WNK1: variants seen among roughly 807,000 people sequenced by gnomAD.
WNK1 encodes the protein WNK lysine deficient protein kinase 1.
A neutral mutation model predicts 222.8 loss-of-function variants in WNK1; 38 were observed. The observed-to-expected ratio is 0.17, with a 90% confidence interval of 0.13 to 0.22. WNK1 has a LOEUF of 0.22. Among genes scored for constraint, WNK1 ranks in the 10% least tolerant of loss-of-function variants. The pLI is 1.00. For synonymous variants in WNK1, 1,090 were observed against 1,092.9 expected (o/e 1.00, Z 0.05); for missense variants, 2,348 against 2,918.4 (o/e 0.80, Z 4.50).
intron 2 of WNK1, among the ~76,000 whole-genome samples, chr12:818,678 A>G (rs944214517): frequency 1.3e-5 from 2 of 152,096 alleles, no homozygotes; most frequent in African/African-American, 4.8e-5. Flanking sequence ...TACCATCTCT[A>G]TGGATTTATC....
rs149388376 is a variant in WNK1 at position 861,247 on chromosome 12, A to G, written c.1855A>G (p.Thr619Ala). Residue 619 changes from threonine to alanine, a missense_variant, in exon 7 of 28, where the codon ACT becomes GCT. Transcript: ENST00000315939. ...CACCGGCATACCTACTGCTTCTACCACTTCAGCTTCAGTTTCTACACAAGT... is the reference window on the plus strand; with the variant it reads ...CACCGGCATACCTACTGCTTCTACCGCTTCAGCTTCAGTTTCTACACAAGT... Reference protein sequence around the residue: ...ASTGIPTASTTSASVSTQVEP... With the variant: ...ASTGIPTASTASASVSTQVEP... 1.3e-3 allele frequency: 2,179 copies of G among 1,614,144 alleles called. 2 individuals carry two copies. The highest frequency in any genetic ancestry group is 1.7e-3 in the Non-Finnish European group (2,016 of 1,180,010).
At chr12:820,594 C>T (rs1390603997) in intron 2 of WNK1, among the ~76,000 whole-genome samples, 3 of 151,650 alleles carry the variant, frequency 2.0e-5, no homozygotes, top group Admixed American at 6.6e-5. Flanking sequence ...CCCACCTCAG[C>T]CTCCTGAGTA....
chr12:885,769 A>T lies in WNK1; in HGVS notation c.4965A>T (p.Leu1655=). The T allele has an allele frequency of 6.2e-7, 1 of 1,614,208 alleles. No individual in the cohort carries two copies. The highest frequency in any genetic ancestry group is 8.5e-7 in the Non-Finnish European group (1 of 1,180,026). Residue 1655 remains leucine, a synonymous_variant, in exon 19 of 28, where the codon CTA becomes CTT. Transcript: ENST00000315939. ...KAPGIDDIKT[L]EEKLRSLFSE... ...CTGGAATTGATGACATAAAGACTCT[A>T]GAAGAAAAGCTGCGGTCTCTGTTCA...
intron 19 of WNK1, 22 bp from the exon 20 acceptor site, chr12:887,199 A>G (rs765634833): frequency 3.7e-6 from 6 of 1,613,418 alleles, no homozygotes; most frequent in Non-Finnish European, 4.2e-6. Context: ...CACGGACTTG[A>G]TTTTCCCTTT....
At position 860,782 on chromosome 12, in the gene WNK1, C is replaced by T. The variant is rs74555557; in HGVS notation, c.1621-231C>T. Among the ~76,000 whole-genome samples, 634 of 152,220 alleles carry T rather than the reference C, an allele frequency of 4.2e-3. 4 individuals are homozygous for T. Among genetic ancestry groups the T allele is most frequent in the African/African-American group, 0.014 (594 of 41,536 alleles). ...AAGGAGTGAAGGTATACCTACCCTT[C>T]GAGTTTCTGCAAAAATGGTGGTACC... On this transcript the variant is annotated intron_variant, in intron 6 of 27. Transcript: ENST00000315939.
chr12:894,541 T>C (rs1469623638), intron 22 of WNK1, 21 bp from the exon 23 acceptor site: 3 of 1,601,910 alleles, frequency 1.9e-6, no homozygotes, highest in Non-Finnish European at 2.6e-6. Flanking sequence ...TATGTTTTCC[T>C]CATCCATGTA....
At position 897,745 on chromosome 12, in the gene WNK1, TGTGACCTGCTGAAC is replaced by T. The variant is rs1348833650; in HGVS notation, c.6448+65_6448+78del. On this transcript the variant is annotated intron_variant, in intron 25 of 27. Transcript: ENST00000315939. ...TCTTTTGTTTCTGTCTCCAGCTGTA[TGTGACCTGCTGAAC>T]ATTTGTTGTTTTTGTTAAATTTCAA... 3 of 1,503,672 alleles carry T rather than the reference TGTGACCTGCTGAAC, an allele frequency of 2.0e-6. No homozygotes were observed. The African/African-American group carries it at 4.2e-5, about 21-fold the overall frequency. The allele number at this position is 1,503,672 out of a possible 1,614,324, so 93.1% of individuals were successfully genotyped here.
chr12:802,604 A>C (rs1029656576), intron 1 of WNK1, among the ~76,000 whole-genome samples: 2 of 152,098 alleles, frequency 1.3e-5, no homozygotes, highest in Non-Finnish European at 2.9e-5. Context: ...TTCCCTCTAG[A>C]AGTAAAAAAG....
chr12:906,654 C>T, intron 26 of WNK1: 1 of 985,260 alleles, frequency 1.0e-6, no homozygotes, highest in Middle Eastern at 5.2e-4. Context: ...TAACCCCTCC[C>T]AAGTTTATGT....
chr12:777,653 G>C (rs1029859017), intron 1 of WNK1, among the ~76,000 whole-genome samples: 1 of 152,194 alleles, frequency 6.6e-6, no homozygotes, highest in Non-Finnish European at 1.5e-5. Flanking sequence ...GAACTGGGAA[G>C]CATTTGAAGA....
rs548501180 is a variant in WNK1 at position 754,644 on chromosome 12, T to A, written c.759+320T>A. On this transcript the variant is annotated intron_variant, in intron 1 of 27. Coordinates refer to ENST00000315939, the MANE Select transcript of WNK1 (RefSeq NM_018979.4). ...TGAGTGGGGAAGTTGAAAGTACAGA[T>A]GCTTCTTCTTCTGTGCATTTCAATC... Among the ~76,000 whole-genome samples the A allele has an allele frequency of 5.2e-4, 79 of 152,314 alleles. No homozygotes were observed. In the South Asian group the frequency reaches 0.016, roughly 31 times the overall value.
At chr12:787,648 G>GT (rs1238416071) in intron 1 of WNK1, among the ~76,000 whole-genome samples, 5 of 152,062 alleles carry the variant, frequency 3.3e-5, no homozygotes, top group Non-Finnish European at 4.4e-5. Flanking sequence ...TATCTTTTGT[G>GT]TAAGTCGGTT....
chr12:854,606 C>T (rs1460878989), intron 4 of WNK1, among the ~76,000 whole-genome samples: 1 of 152,002 alleles, frequency 6.6e-6, no homozygotes, highest in African/African-American at 2.4e-5. Context: ...CCTCGGCCTC[C>T]CAAAGTGCTG....
At chr12:788,439 A>G (rs1414117845) in intron 1 of WNK1, among the ~76,000 whole-genome samples, 1 of 152,188 alleles carries the variant, frequency 6.6e-6, no homozygotes, top group Admixed American at 6.5e-5. Context: ...GCACTAATGG[A>G]CCATATTTCT....
intron 11 of WNK1, 147 bp downstream of exon 11, chr12:880,178 T>C (rs1188217909): frequency 1.7e-5 from 14 of 843,276 alleles, no homozygotes; most frequent in East Asian, 1.1e-4. Context: ...TGAGAAAGGA[T>C]TGGATAATGA....
At chr12:788,197 C>G (rs1362166657) in intron 1 of WNK1, among the ~76,000 whole-genome samples, 1 of 152,064 alleles carries the variant, frequency 6.6e-6, no homozygotes, top group Non-Finnish European at 1.5e-5. Flanking sequence ...ACCTTTATAG[C>G]AACACCTAGT....
intron 4 of WNK1, 39 bp from the exon 5 acceptor site, chr12:857,122 C>T: frequency 1.3e-6 from 2 of 1,590,228 alleles, no homozygotes; most frequent in Non-Finnish European, 1.7e-6. Context: ...AGTTCAAAGG[C>T]CCTGCTTTTA....
At chr12:839,083 G>A (rs1339059683) in intron 4 of WNK1, among the ~76,000 whole-genome samples, 1 of 152,186 alleles carries the variant, frequency 6.6e-6, no homozygotes, top group Non-Finnish European at 1.5e-5. Context: ...TTTAGGGATA[G>A]GTACTTAATG....
chr12:864,492 G>T (rs939249921), intron 8 of WNK1, among the ~76,000 whole-genome samples: 3 of 152,080 alleles, frequency 2.0e-5, no homozygotes, highest in Admixed American at 2.0e-4. Flanking sequence ...CCTATATCCA[G>T]TTGTGAATTT....
Sources: allele counts gnomAD v4.1 joint callset (sites outside exome capture counted in the v4.1 genomes callset), GRCh38; gene constraint gnomAD v4.1.1; transcripts MANE v1.5; gene names NCBI Gene and HGNC (gene_info 2026-07-23, HGNC 2026-07-21).